DLGAP3: variants seen among roughly 807,000 people sequenced by gnomAD.
DLGAP3 encodes the protein DLG associated protein 3.
In DLGAP3, 17 loss-of-function variants were observed where a neutral mutation model predicts 81.2. That is an observed-to-expected ratio of 0.21 (90% CI 0.14 to 0.31). The LOEUF (loss-of-function observed/expected upper bound fraction) is 0.31, where lower values mean the gene tolerates loss of function less well. Ranked by LOEUF, DLGAP3 falls within the 10% of genes least tolerant of loss-of-function variation. The pLI is 1.00. For synonymous variants in DLGAP3, 577 were observed against 587.4 expected, an observed-to-expected ratio of 0.98 and a Z score of 0.26; for missense variants, 1,124 against 1,388.0, an observed-to-expected ratio of 0.81 and a Z score of 3.02.
At chr1:34,897,534 G>A (rs1374481715) in intron 5 of DLGAP3, among the ~76,000 whole-genome samples, 1 of 152,084 alleles carries the variant, frequency 6.6e-6, no homozygotes, top group Non-Finnish European at 1.5e-5. Context: ...CCTTAGGAGA[G>A]GAACTCAGAG....
At position 34,900,024 on chromosome 1, in the gene DLGAP3, A is replaced by G; in HGVS notation, c.1313+44T>C. 1 of 1,537,570 alleles carries G rather than the reference A, an allele frequency of 6.5e-7. No homozygotes were observed. The highest frequency in any genetic ancestry group is 2.3e-5 in the East Asian group (1 of 44,306). ...CACACATCTCCCGCAGGAGTCCAGC[A>G]TCAGCCTCCTGACCCCGCACCCCCC... is the stretch of plus-strand genomic sequence containing the variant. On this transcript the variant is annotated intron_variant, in intron 4 of 11. Transcript: ENST00000373347. This position sits in a 1 kb window ranked among gnomAD's most constrained non-coding sequence, Gnocchi z 5.6.
intron 4 of DLGAP3, 24 bp from the exon 5 acceptor site, chr1:34,899,765 G>C: frequency 6.2e-7 from 1 of 1,609,148 alleles, no homozygotes. Flanking sequence ...AAATTCCGGA[G>C]TCAGAACAGT....
chr1:34,925,851 C>T (rs1456168730), intron 1 of DLGAP3, among the ~76,000 whole-genome samples: 6 of 152,124 alleles, frequency 3.9e-5, no homozygotes, highest in African/African-American at 1.2e-4. Flanking sequence ...CCATTCTGTC[C>T]CTTTGTTAAC....
At chr1:34,918,423 G>T (rs947729830) in intron 1 of DLGAP3, among the ~76,000 whole-genome samples, 1 of 152,174 alleles carries the variant, frequency 6.6e-6, no homozygotes, top group African/African-American at 2.4e-5. Flanking sequence ...GCCCACCCCT[G>T]CCTCACTGAG....
chr1:34,892,124 G>A (rs573554914), intron 5 of DLGAP3, among the ~76,000 whole-genome samples: 1 of 152,270 alleles, frequency 6.6e-6, no homozygotes, highest in African/African-American at 2.4e-5. Context: ...AGGAAAGCAT[G>A]ACAACAATGA....
In DLGAP3 at chr1:34,910,783, G is replaced by T. The variant is rs1283116268; in HGVS notation, c.-134-3346C>A. Among the ~76,000 whole-genome samples, 3 of 152,006 alleles carry T rather than the reference G, an allele frequency of 2.0e-5. No homozygotes were observed. The East Asian group carries it at 5.8e-4, about 29-fold the overall frequency. Reference sequence around the variant, plus strand: ...GCACCATGTACCTGTCTCTTATATTGTTACCATTTTAAATTTGTGTGACTC... The same window carrying T: ...GCACCATGTACCTGTCTCTTATATTTTTACCATTTTAAATTTGTGTGACTC... On this transcript the variant is annotated intron_variant, in intron 1 of 11. Transcript: ENST00000373347.
chr1:34,883,661 A>ATCCTATCATCCCCTGGAAAGG (rs1639177575), intron 8 of DLGAP3, among the ~76,000 whole-genome samples: 2 of 152,170 alleles, frequency 1.3e-5, no homozygotes, highest in African/African-American at 4.8e-5. Context: ...GCAGGTTTAG[A>ATCCTATCATCCCCTGGAAAGG]AGTCATGCAG....
chr1:34,912,129 T>C (rs776616409), intron 1 of DLGAP3, among the ~76,000 whole-genome samples: 1 of 152,236 alleles, frequency 6.6e-6, no homozygotes, highest in Non-Finnish European at 1.5e-5. Flanking sequence ...ATGTAAGGTT[T>C]AACAAGGTAA....
At position 34,918,245 on chromosome 1, in the gene DLGAP3, G is replaced by A. The variant is rs533506866; in HGVS notation, c.-134-10808C>T. 2.0e-5 allele frequency among the ~76,000 whole-genome samples: 3 copies of A among 152,288 alleles called. No homozygotes were observed. The East Asian group carries it at 5.8e-4, about 29-fold the overall frequency. ...CACCATCCACTGACACAGGGAGAGA[G>A]GAGAGGCAGAATCCTCCTTCCACCC... On this transcript the variant is annotated intron_variant, in intron 1 of 11. Transcript: ENST00000373347.
chr1:34,878,644 C>T (rs1254033675), intron 8 of DLGAP3, among the ~76,000 whole-genome samples: 1 of 152,132 alleles, frequency 6.6e-6, no homozygotes, highest in African/African-American at 2.4e-5. Flanking sequence ...TTTTAACACA[C>T]CTCTCAGAAC....
At chr1:34,879,239 A>T (rs1382678806) in intron 8 of DLGAP3, among the ~76,000 whole-genome samples, 2 of 152,206 alleles carry the variant, frequency 1.3e-5, no homozygotes, top group African/African-American at 4.8e-5. Context: ...ATGTAGAATC[A>T]GTGGGAGCCC....
In DLGAP3 at chr1:34,866,283, G is replaced by A; in HGVS notation, c.2740C>T (p.Pro914Ser). The change falls in exon 12 of 12, where the codon CCG becomes TCG. Residue 914 changes from proline (P) to serine (S), a missense_variant. Physicochemically the swap from Pro to Ser is moderately conservative, Grantham distance 74. Coordinates refer to ENST00000373347, the MANE Select transcript of DLGAP3 (RefSeq NM_001080418.3). ...CGCAGGGGCTTCTTTGGTATCGGCG[G>A]AGGGACCTTCTTCTCCTCCTGCGGG... ...LEPKEEKKVP[P>S]PIPKKPLRGR... 1 of 1,533,938 alleles carries A rather than the reference G, an allele frequency of 6.5e-7. No individual in the cohort carries two copies. The highest frequency in any genetic ancestry group is 1.2e-5 in the South Asian group (1 of 84,240).
At chr1:34,872,107 G>A (rs182654355) in intron 8 of DLGAP3, among the ~76,000 whole-genome samples, 75 of 152,356 alleles carry the variant, frequency 4.9e-4, no homozygotes, top group African/African-American at 1.8e-3. Context: ...CATTTCAGGG[G>A]TGGGTGGAGA....
intron 1 of DLGAP3, among the ~76,000 whole-genome samples, chr1:34,914,497 G>C (rs925366802): frequency 6.6e-6 from 1 of 152,206 alleles, no homozygotes; most frequent in Admixed American, 6.5e-5. Flanking sequence ...GGGGCAGCTG[G>C]TGAGCAACTG....
At chr1:34,923,343 A>G (rs1055156800) in intron 1 of DLGAP3, among the ~76,000 whole-genome samples, 9 of 152,174 alleles carry the variant, frequency 5.9e-5, no homozygotes, top group African/African-American at 2.2e-4. Context: ...TGTGGGCCCT[A>G]CAAGGGAGAG....
At position 34,916,652 on chromosome 1, in the gene DLGAP3, TTTTA is replaced by T. The variant is rs1557502065; in HGVS notation, c.-134-9219_-134-9216del. ...CTGAACAGAATACTTTTATTTTTTATTTTATTTTATTTTATTTTATTTTATTTTA... is the reference window on the plus strand; with the variant it reads ...CTGAACAGAATACTTTTATTTTTTATTTTTATTTTATTTTATTTTATTTTA... On this transcript the variant is annotated intron_variant, in intron 1 of 11. Transcript: ENST00000373347. 0.013 allele frequency among the ~76,000 whole-genome samples: 7 copies of T among 528 alleles called. No homozygotes were observed. In the East Asian group the frequency reaches 0.27, roughly 20 times the overall value. 0.3% of individuals were successfully genotyped at this position (528 alleles called of 152,430 possible).
At chr1:34,887,051 T>C (rs12738988) in intron 5 of DLGAP3, among the ~76,000 whole-genome samples, 28,755 of 145,898 alleles carry the variant, frequency 0.2, 4,067 homozygotes, top group East Asian at 0.73. Context: ...GCCTCCCGGG[T>C]TCACCCCATT....
In DLGAP3 at chr1:34,881,703, G is replaced by T. The variant is rs193061505; in HGVS notation, c.2000+3275C>A. 2.9e-3 allele frequency among the ~76,000 whole-genome samples: 392 copies of T among 133,030 alleles called. 2 individuals carry two copies. Among genetic ancestry groups the T allele is most frequent in the Non-Finnish European group, 4.8e-3 (292 of 61,346 alleles). 87.3% of individuals were successfully genotyped at this position (133,030 alleles called of 152,430 possible). A position where few individuals can be genotyped will look rare whatever the true frequency, so the allele number is the denominator to read the frequency against. On this transcript the variant is annotated intron_variant, in intron 8 of 11. Coordinates refer to ENST00000373347, the MANE Select transcript of DLGAP3 (RefSeq NM_001080418.3). Reference sequence around the variant, plus strand: ...CCAAACTGACAATGGGATCAAGCAGGGTTTATCCCAGGAATGAAAGAATGG... The same window carrying T: ...CCAAACTGACAATGGGATCAAGCAGTGTTTATCCCAGGAATGAAAGAATGG...
intron 1 of DLGAP3, among the ~76,000 whole-genome samples, chr1:34,914,737 C>G (rs1639690374): frequency 6.6e-6 from 1 of 152,190 alleles, no homozygotes; most frequent in African/African-American, 2.4e-5. Context: ...TAGGGAGAAA[C>G]TACTTAAATG....
Sources: gnomAD v4.1 joint callset for allele counts (sites outside exome capture counted in the v4.1 genomes callset) on GRCh38, gnomAD v4.1.1 for gene constraint, Gnocchi (gnomAD v3.1) non-coding constraint, MANE v1.5 for transcripts, NCBI Gene and HGNC (gene_info 2026-07-23, HGNC 2026-07-21) for gene names.